Variants in PCDH11X observed in about 807,000 individuals in gnomAD.
PCDH11X encodes the protein protocadherin 11 X-linked.
PCDH11X carries 18 observed loss-of-function variants against 53.3 expected under a neutral mutation model. That is an observed-to-expected ratio of 0.34 (90% confidence interval 0.23 to 0.50). The LOEUF (loss-of-function observed/expected upper bound fraction) is 0.50. Ranked by LOEUF, PCDH11X falls within the 20% of genes least tolerant of loss-of-function variation. PCDH11X has a pLI of 0.98. For synonymous variants in PCDH11X, 279 were observed against 393.3 expected (o/e 0.71, Z 3.44); for missense variants, 570 against 1,032.4 (o/e 0.55, Z 6.14).
intron 6 of PCDH11X, among the ~76,000 whole-genome samples, chrX:92,155,271 TTATC>T (rs2065509946): frequency 1.9e-5 from 1 of 53,569 alleles, no homozygotes; most frequent in Admixed American, 2.5e-4. Context: ...TATAGTCTCT[TTATC>T]TATTATTTTC....
At chrX:91,803,362 A>T (rs1411283038) in intron 1 of PCDH11X, among the ~76,000 whole-genome samples, 2 of 108,941 alleles carry the variant, frequency 1.8e-5, no homozygotes, top group East Asian at 5.7e-4. Flanking sequence ...TATCTTTTTC[A>T]TTTTTTTTTC....
intron 10 of PCDH11X, among the ~76,000 whole-genome samples, chrX:92,557,398 C>T (rs2075062649): frequency 1.8e-5 from 2 of 110,137 alleles, no homozygotes; most frequent in Admixed American, 9.7e-5. Flanking sequence ...TAAATCATCT[C>T]TCTCAAGTTC....
chrX:92,294,400 C>T (rs2068564563), intron 8 of PCDH11X, among the ~76,000 whole-genome samples: 1 of 111,855 alleles, frequency 8.9e-6, no homozygotes, highest in Non-Finnish European at 1.9e-5. Context: ...ATCTCAGCCT[C>T]CCAAATTGCT....
chrX:92,468,416 C>T, intron 10 of PCDH11X, 94 bp downstream of exon 10: 3 of 1,042,589 alleles, frequency 2.9e-6, no homozygotes, highest in Admixed American at 3.5e-5. Context: ...TACCTTTTTG[C>T]TTCTCATAAA....
chrX:92,552,973 C>T lies in PCDH11X; in HGVS notation c.3368-65291C>T, dbSNP rs190863719. ...GAAATTTTTGCATCAATACTCATCACGGATATTGTCCTGCAATTTTCGTGT... is the reference window on the plus strand; with the variant it reads ...GAAATTTTTGCATCAATACTCATCATGGATATTGTCCTGCAATTTTCGTGT... On this transcript the variant is annotated intron_variant, in intron 10 of 10. Coordinates refer to ENST00000682573, the MANE Select transcript of PCDH11X (RefSeq NM_032968.5). Among the ~76,000 whole-genome samples, 135 of 101,430 alleles carry T rather than the reference C, an allele frequency of 1.3e-3. 2 individuals are homozygous for T. Among genetic ancestry groups the T allele is most frequent in the African/African-American group, 4.7e-3 (131 of 28,008 alleles). The allele number at this position is 101,430 out of a possible 115,157, so 88.1% of individuals were successfully genotyped here. A position where few individuals can be genotyped will look rare whatever the true frequency, so the allele number is the denominator to read the frequency against.
At chrX:91,953,589 CA>C (rs1169555605) in intron 6 of PCDH11X, among the ~76,000 whole-genome samples, 14 of 110,783 alleles carry the variant, frequency 1.3e-4, no homozygotes, top group African/African-American at 4.0e-4. Context: ...GAGGTCTAAC[CA>C]CAAATTGCTA....
chrX:91,847,722 C>A (rs1388458640), intron 5 of PCDH11X, among the ~76,000 whole-genome samples: 1 of 111,375 alleles, frequency 9.0e-6, no homozygotes, highest in Admixed American at 9.6e-5. Flanking sequence ...AATTGTCTAA[C>A]AGCAGAAACG....
chrX:92,319,601 C>G (rs1161024819), intron 8 of PCDH11X, among the ~76,000 whole-genome samples: 1 of 110,130 alleles, frequency 9.1e-6, no homozygotes, highest in East Asian at 2.9e-4. Flanking sequence ...CTTAAGTGAT[C>G]CTCCGCTTTG....
chrX:92,372,103 A>G lies in PCDH11X; in HGVS notation c.3145-15632A>G, dbSNP rs1368883698. On this transcript the variant is annotated intron_variant, in intron 8 of 10. Transcript: ENST00000682573. ...GAAAAAGAAATTAAAGCCAGAATCC[A>G]TGTAGGACAGTGAGGAATTCATGAC... Among the ~76,000 whole-genome samples the G allele has an allele frequency of 3.2e-4, 36 of 110,979 alleles. 1 individual carries two copies. The highest frequency in any genetic ancestry group is 3.8e-5 in the Non-Finnish European group (2 of 53,014).
At chrX:92,275,984 G>A (rs186002138) in intron 8 of PCDH11X, among the ~76,000 whole-genome samples, 409 of 110,350 alleles carry the variant, frequency 3.7e-3, no homozygotes, top group African/African-American at 0.013. Flanking sequence ...AATGAGATGC[G>A]GCTATAGTCC....
chrX:91,909,801 G>A (rs2525145), intron 6 of PCDH11X, among the ~76,000 whole-genome samples: 2 of 110,914 alleles, frequency 1.8e-5, no homozygotes, highest in African/African-American at 6.6e-5. Flanking sequence ...GGTATAATGC[G>A]CAAATCAAAA....
At chrX:92,402,003 G>A (rs1183545296) in intron 9 of PCDH11X, among the ~76,000 whole-genome samples, 1 of 110,969 alleles carries the variant, frequency 9.0e-6, no homozygotes, top group African/African-American at 3.3e-5. Context: ...TGCTTTTGAA[G>A]GAAAGATTAA....
At chrX:92,048,779 T>G (rs909494857) in intron 6 of PCDH11X, among the ~76,000 whole-genome samples, 2 of 112,125 alleles carry the variant, frequency 1.8e-5, no homozygotes, top group Non-Finnish European at 3.8e-5. Flanking sequence ...TCAGTGACCA[T>G]GGCCCGTGAC....
chrX:92,418,369 G>A (rs920513543), intron 9 of PCDH11X, among the ~76,000 whole-genome samples: 61 of 110,775 alleles, frequency 5.5e-4, no homozygotes, highest in African/African-American at 2.0e-3. Context: ...TTTTCCTGGA[G>A]GCAACAGCAG....
intron 6 of PCDH11X, among the ~76,000 whole-genome samples, chrX:91,979,034 A>C (rs1189977581): frequency 3.6e-5 from 4 of 111,764 alleles, no homozygotes; most frequent in African/African-American, 1.3e-4. Flanking sequence ...AAATATGTTG[A>C]ATTTTCTGTA....
In PCDH11X at chrX:92,238,844, A is replaced by T. The variant is rs774087199; in HGVS notation, c.3115-24270A>T. Among the ~76,000 whole-genome samples the T allele has an allele frequency of 3.6e-5, 4 of 111,953 alleles. No homozygotes were observed. The South Asian group carries it at 1.5e-3, about 41-fold the overall frequency. On this transcript the variant is annotated intron_variant, in intron 7 of 10. Coordinates refer to ENST00000682573, the MANE Select transcript of PCDH11X (RefSeq NM_032968.5). ...TACACACATACACTCTTCAGTAGCT[A>T]CTGGTAGAGACTTACTATCCAATAT...
At chrX:92,208,273 A>T (rs945175258) in intron 7 of PCDH11X, among the ~76,000 whole-genome samples, 4 of 104,821 alleles carry the variant, frequency 3.8e-5, no homozygotes, top group Admixed American at 2.1e-4. Context: ...TCTCCTAAGC[A>T]TTTAAAACAT....
At chrX:92,302,642 TTGTA>T (rs2148471660) in intron 8 of PCDH11X, among the ~76,000 whole-genome samples, 1 of 110,374 alleles carries the variant, frequency 9.1e-6, no homozygotes, top group South Asian at 3.9e-4. Flanking sequence ...GTGAAGGGGC[TTGTA>T]TGTCACACTG....
At chrX:91,782,202 C>T (rs1423329343) in intron 1 of PCDH11X, among the ~76,000 whole-genome samples, 3 of 111,241 alleles carry the variant, frequency 2.7e-5, no homozygotes, top group African/African-American at 9.8e-5. Flanking sequence ...CCTCGCTCCT[C>T]AGAGGCGCGC....
Sources: gnomAD v4.1 joint callset for allele counts (sites outside exome capture counted in the v4.1 genomes callset) on GRCh38, gnomAD v4.1.1 for gene constraint, MANE v1.5 for transcripts, NCBI Gene and HGNC (gene_info 2026-07-23, HGNC 2026-07-21) for gene names.